The following PLD1 variants were observed in gnomAD, a reference collection of about 807,000 sequenced individuals.
PLD1 encodes phospholipase D1.
In PLD1, 112 loss-of-function variants were observed where a neutral mutation model predicts 137.1. The observed-to-expected ratio is 0.82, with a 90% CI of 0.70 to 0.96. The LOEUF (loss-of-function observed/expected upper bound fraction) is 0.96. Ranked by LOEUF, PLD1 falls within the 40% of genes least tolerant of loss-of-function variation. PLD1 has a pLI of 0.00. For synonymous variants in PLD1, 431 were observed against 454.7 expected (o/e 0.95, Z 0.66); for missense variants, 1,321 against 1,342.0 (o/e 0.98, Z 0.24).
At chr3:171,703,337 G>T (rs1482633870) in intron 11 of PLD1, among the ~76,000 whole-genome samples, 1 of 152,114 alleles carries the variant, frequency 6.6e-6, no homozygotes, top group Admixed American at 6.6e-5. Context: ...ACTAGCCAAT[G>T]CAACAAGGCA....
chr3:171,686,702 A>G lies in PLD1; in HGVS notation c.1850T>C (p.Leu617Pro), dbSNP rs758784629. 8.8e-6 allele frequency: 14 copies of G among 1,586,342 alleles called. No homozygotes were observed. The South Asian group carries it at 1.3e-4, about 15-fold the overall frequency. The change falls in exon 16 of 27, where the codon CTC becomes CCC. Residue 617 changes from leucine to proline, a missense_variant. Transcript: ENST00000351298. Reference protein sequence around the residue: ...FHPSSESEQGLTRPHADTGSI... With the variant: ...FHPSSESEQGPTRPHADTGSI... The stretch of plus-strand genomic sequence containing the variant: ...TTACTTACCAGCATGAGGTCTAGTG[A>G]GTCCTTGCTCAGACTCACTGGACGG...
intron 1 of PLD1, among the ~76,000 whole-genome samples, chr3:171,744,889 A>G (rs1158220108): frequency 6.6e-6 from 1 of 152,240 alleles, no homozygotes; most frequent in Non-Finnish European, 1.5e-5. Flanking sequence ...CCCATAAGAC[A>G]TCATGGTTTC....
intron 26 of PLD1, among the ~76,000 whole-genome samples, chr3:171,604,352 C>T (rs1486013600): frequency 6.9e-6 from 1 of 145,492 alleles, no homozygotes; most frequent in African/African-American, 2.5e-5. Flanking sequence ...AGAAAAGAAA[C>T]AAGGTTATAC....
rs538453060 is a variant in PLD1 at position 171,713,257 on chromosome 3, C to T, written c.911+636G>A. Among the ~76,000 whole-genome samples, 15 of 152,246 alleles carry T rather than the reference C, an allele frequency of 9.9e-5. No homozygotes were observed. In the East Asian group the frequency reaches 1.9e-3, roughly 20 times the overall value. On this transcript the variant is annotated intron_variant, in intron 9 of 26. Coordinates refer to ENST00000351298, the MANE Select transcript of PLD1 (RefSeq NM_002662.5). ...GACAGATCACTTGAGGTCAGGAGTT[C>T]GAGACCAGCCTGGCAAACATGGTGA... is the stretch of plus-strand genomic sequence containing the variant.
At chr3:171,620,742 C>CTCTCTA (rs1473647659) in intron 23 of PLD1, among the ~76,000 whole-genome samples, 1,563 of 94,624 alleles carry the variant, frequency 0.017, 21 homozygotes, top group African/African-American at 0.024. Context: ...CTCTCTCTCT[C>CTCTCTA]TATATATATA....
rs1210136797 is a variant in PLD1, at chr3:171,764,835, G to A, written c.-31-26753C>T. Among the ~76,000 whole-genome samples the A allele has an allele frequency of 3.6e-4, 3 of 8,330 alleles. 1 individual carries two copies. In the South Asian group the frequency reaches 6.7e-3, roughly 19 times the overall value. The allele number at this position is 8,330 out of a possible 152,430, so 5.5% of individuals were successfully genotyped here. A position where few individuals can be genotyped will look rare whatever the true frequency, so the allele number is the denominator to read the frequency against. ...CAAGAAAGAAAGAAAGAGAAAGAAA[G>A]AAAGAAAGAAAGAAAGAAAGAAAGA... On this transcript the variant is annotated intron_variant, in intron 1 of 26. Coordinates refer to ENST00000351298, the MANE Select transcript of PLD1 (RefSeq NM_002662.5).
chr3:171,679,671 A>C (rs1426247573), intron 16 of PLD1, among the ~76,000 whole-genome samples: 1 of 152,266 alleles, frequency 6.6e-6, no homozygotes, highest in Non-Finnish European at 1.5e-5. Context: ...AAAATAAAGG[A>C]AATTCTTAGT....
At chr3:171,722,637 C>T (rs1342478800) in intron 8 of PLD1, among the ~76,000 whole-genome samples, 1 of 152,156 alleles carries the variant, frequency 6.6e-6, no homozygotes, top group Non-Finnish European at 1.5e-5. Context: ...CACATTGTAG[C>T]ATGTATCAGA....
Position 171,662,145 on chromosome 3 carries a change from G to A in PLD1, c.2255C>T (p.Ser752Phe). 6.2e-7 allele frequency: 1 copy of A among 1,612,942 alleles called. No individual in the cohort carries two copies. The highest frequency in any genetic ancestry group is 8.5e-7 in the Non-Finnish European group (1 of 1,178,936). The change falls in exon 20 of 27, where the codon TCT (serine) becomes TTT (phenylalanine). Residue 752 changes from serine to phenylalanine, a missense_variant. Physicochemically the swap from Ser to Phe is radical, Grantham distance 155. Coordinates refer to ENST00000351298, the MANE Select transcript of PLD1 (RefSeq NM_002662.5). ...CTCTTCATGGTACTTTATACCAGCAGACCAATCAGCAGCAGAGCGGAGCAA... is the reference window on the plus strand; with the variant it reads ...CTCTTCATGGTACTTTATACCAGCAAACCAATCAGCAGCAGAGCGGAGCAA... ...VQLLRSAADW[S>F]AGIKYHEESI...
intron 13 of PLD1, among the ~76,000 whole-genome samples, chr3:171,689,242 T>C (rs371210168): frequency 9.2e-5 from 14 of 152,074 alleles, no homozygotes; most frequent in African/African-American, 2.9e-4. Context: ...ATTTAACTAC[T>C]ATTTATCTCT....
Position 171,602,090 on chromosome 3 carries a change from C to T in PLD1, c.*988G>A, listed in dbSNP as rs963840965. 1 of 152,198 alleles carries T rather than the reference C, an allele frequency of 6.6e-6. No homozygotes were observed. The highest frequency in any genetic ancestry group is 1.5e-5 in the Non-Finnish European group (1 of 68,038). 9.4% of individuals were successfully genotyped at this position (152,198 alleles called of 1,614,324 possible). Reference sequence around the variant, plus strand: ...GGTAGGAGTTACGATGCCTCTGATTCTCTTGAAAGACAAACTGTATTCACT... The same window carrying T: ...GGTAGGAGTTACGATGCCTCTGATTTTCTTGAAAGACAAACTGTATTCACT... On this transcript the variant is annotated 3_prime_UTR_variant, in exon 27 of 27. Coordinates refer to ENST00000351298, the MANE Select transcript of PLD1 (RefSeq NM_002662.5).
At chr3:171,785,440 A>AT (rs11325787) in intron 1 of PLD1, among the ~76,000 whole-genome samples, 29 of 140,496 alleles carry the variant, frequency 2.1e-4, no homozygotes, top group East Asian at 6.2e-4. Context: ...TCCAGTGTCT[A>AT]TTTTTTTTTT....
Position 171,709,545 on chromosome 3 carries a change from G to A in PLD1, c.1061+15C>T, listed in dbSNP as rs772293974. On this transcript the variant is annotated intron_variant, in intron 10 of 26. Coordinates refer to ENST00000351298, the MANE Select transcript of PLD1 (RefSeq NM_002662.5). The stretch of plus-strand genomic sequence containing the variant: ...CTATGACTGCCTTGACAGGCTTAGA[G>A]AAATAATAACTTACCATTTAGCTAA... The A allele has an allele frequency of 6.2e-7, 1 of 1,611,766 alleles. No homozygotes were observed. Among genetic ancestry groups the A allele is most frequent in the South Asian group, 1.1e-5 (1 of 90,834 alleles).
At chr3:171,808,022 T>A (rs772344355) in intron 1 of PLD1, among the ~76,000 whole-genome samples, 4 of 151,936 alleles carry the variant, frequency 2.6e-5, no homozygotes, top group Non-Finnish European at 5.9e-5. Context: ...AAGGTAAACA[T>A]TGGGTACTTA....
Position 171,755,316 on chromosome 3 carries a change from T to C in PLD1, c.-31-17234A>G, listed in dbSNP as rs539161238. ...CTGCCACTGGCCTCCATTTGTACAC[T>C]CCACCAAACAGCTCTCTCCAAAGTT... On this transcript the variant is annotated intron_variant, in intron 1 of 26. Transcript: ENST00000351298. Among the ~76,000 whole-genome samples, 3 of 152,138 alleles carry C rather than the reference T, an allele frequency of 2.0e-5. No homozygotes were observed. The South Asian group carries it at 6.2e-4, about 32-fold the overall frequency.
chr3:171,675,398 G>A (rs1011928519), intron 18 of PLD1, among the ~76,000 whole-genome samples: 2 of 152,166 alleles, frequency 1.3e-5, no homozygotes, highest in Non-Finnish European at 2.9e-5. Flanking sequence ...ATTATTAGAA[G>A]CCATATCAAA....
intron 1 of PLD1, among the ~76,000 whole-genome samples, chr3:171,785,149 C>T (rs1427695750): frequency 6.6e-6 from 1 of 152,122 alleles, no homozygotes; most frequent in Admixed American, 6.5e-5. Flanking sequence ...AATTTAAATG[C>T]TTGTCATAAG....
intron 1 of PLD1, among the ~76,000 whole-genome samples, chr3:171,770,763 C>A (rs1442658172): frequency 6.6e-6 from 1 of 151,544 alleles, no homozygotes; most frequent in African/African-American, 2.4e-5. Flanking sequence ...GTGGCATGCA[C>A]CTGTAATCCC....
In PLD1 at chr3:171,617,498, G is replaced by A. The variant is rs926153297; in HGVS notation, c.2728+2888C>T. ...AGTGGCGCTGTTTTACTCACGTTTC[G>A]CATCTCTCTATTGTGCTTTGCAGTG... On this transcript the variant is annotated intron_variant, in intron 24 of 26. Transcript: ENST00000351298. 4.6e-5 allele frequency among the ~76,000 whole-genome samples: 7 copies of A among 151,640 alleles called. No individual in the cohort carries two copies. The East Asian group carries it at 9.7e-4, about 21-fold the overall frequency.
Sources: allele counts gnomAD v4.1 joint callset (sites outside exome capture counted in the v4.1 genomes callset), GRCh38; gene constraint gnomAD v4.1.1; transcripts MANE v1.5; gene names NCBI Gene and HGNC (gene_info 2026-07-23, HGNC 2026-07-21).